The following TLK2 variants were observed in gnomAD, a reference collection of about 807,000 sequenced individuals.
TLK2 encodes the protein serine/threonine-protein kinase tousled-like 2.
In TLK2, 6 loss-of-function variants were observed where a neutral mutation model predicts 117.3. The observed-to-expected ratio is 0.05, with a 90% CI of 0.03 to 0.10. The LOEUF is 0.10. TLK2 is among the 10% of genes least tolerant of loss of function. The pLI is 1.00. For missense variants in TLK2, 299 were observed against 901.2 expected, an observed-to-expected ratio of 0.33 and a Z score of 8.56; for synonymous variants, 257 against 316.7, an observed-to-expected ratio of 0.81 and a Z score of 2.00.
chr17:62,509,708 C>T, intron 2 of TLK2, among the ~76,000 whole-genome samples: 1 of 152,170 alleles, frequency 6.6e-6, no homozygotes, highest in Non-Finnish European at 1.5e-5. Flanking sequence ...AGAGCTCCTC[C>T]TCTCATGAAT....
chr17:62,542,757 C>T (rs1271166754), intron 7 of TLK2, among the ~76,000 whole-genome samples: 2 of 152,128 alleles, frequency 1.3e-5, no homozygotes, highest in Admixed American at 6.6e-5. Context: ...CCCTTAATGG[C>T]AAGTCTGTTG....
At chr17:62,604,767 G>T (rs2083144479) in intron 19 of TLK2, among the ~76,000 whole-genome samples, 1 of 151,290 alleles carries the variant, frequency 6.6e-6, no homozygotes, top group African/African-American at 2.4e-5. Flanking sequence ...AAATTAGCTG[G>T]GCGTGGTGGT....
chr17:62,499,442 G>A (rs187447669), intron 2 of TLK2, among the ~76,000 whole-genome samples: 74 of 152,162 alleles, frequency 4.9e-4, no homozygotes, highest in African/African-American at 1.7e-3. Context: ...TGGGATTACA[G>A]GTGTTAGGCA....
intron 2 of TLK2, among the ~76,000 whole-genome samples, chr17:62,495,883 C>T (rs2073627672): frequency 6.6e-6 from 1 of 151,296 alleles, no homozygotes; most frequent in Non-Finnish European, 1.5e-5. Context: ...AGGCTTTGGT[C>T]TCGAACTCCT....
At chr17:62,504,648 T>A (rs973274288) in intron 2 of TLK2, among the ~76,000 whole-genome samples, 1 of 151,788 alleles carries the variant, frequency 6.6e-6, no homozygotes, top group African/African-American at 2.4e-5. Context: ...TACCAAAAAA[T>A]TAAATTAAAA....
chr17:62,477,550 C>G (rs766097172), upstream of TLK2: 9 of 152,208 alleles, frequency 5.9e-5, no homozygotes, highest in African/African-American at 2.2e-4. Flanking sequence ...GAAATAAGGG[C>G]AGAAACTCCA....
At chr17:62,498,528 T>A (rs557478182) in intron 2 of TLK2, among the ~76,000 whole-genome samples, 2 of 152,094 alleles carry the variant, frequency 1.3e-5, no homozygotes, top group Non-Finnish European at 2.9e-5. Flanking sequence ...TAGCTGGGAT[T>A]ACAGGTGTGC....
chr17:62,512,074 CGTT>C (rs768340688), intron 2 of TLK2, among the ~76,000 whole-genome samples: 18 of 152,218 alleles, frequency 1.2e-4, no homozygotes, highest in Middle Eastern at 3.4e-3. Context: ...CAGTGTTTAG[CGTT>C]GTTGCTATTT....
chr17:62,584,278 G>A (rs1047793698), intron 15 of TLK2, among the ~76,000 whole-genome samples: 1 of 151,550 alleles, frequency 6.6e-6, no homozygotes, highest in African/African-American at 2.4e-5. Flanking sequence ...CACCACACCC[G>A]GCTAATTTTT....
upstream of TLK2, among the ~76,000 whole-genome samples, chr17:62,476,143 C>G (rs1257707808): frequency 1.3e-5 from 2 of 151,810 alleles, no homozygotes; most frequent in Non-Finnish European, 2.9e-5. Flanking sequence ...CTATGCCGAG[C>G]TAATTTTTGT....
intron 16 of TLK2, among the ~76,000 whole-genome samples, chr17:62,595,275 CT>C (rs1468822561): frequency 2.7e-5 from 4 of 149,704 alleles, no homozygotes; most frequent in Non-Finnish European, 5.9e-5. Flanking sequence ...GCTGCCGTGC[CT>C]GGCCCCCTTT....
chr17:62,522,548 C>CA (rs1216196599), intron 4 of TLK2, among the ~76,000 whole-genome samples: 1 of 152,056 alleles, frequency 6.6e-6, no homozygotes, highest in Non-Finnish European at 1.5e-5. Flanking sequence ...ATATATTGTA[C>CA]AAAAAAGAGG....
At chr17:62,514,122 C>T (rs1348573565) in intron 2 of TLK2, among the ~76,000 whole-genome samples, 1 of 151,952 alleles carries the variant, frequency 6.6e-6, no homozygotes, top group Non-Finnish European at 1.5e-5. Context: ...ATTGTTATTA[C>T]TTTACAACAC....
At chr17:62,518,500 TC>T (rs2075793953) in intron 2 of TLK2, among the ~76,000 whole-genome samples, 1 of 151,978 alleles carries the variant, frequency 6.6e-6, no homozygotes, top group Non-Finnish European at 1.5e-5. Flanking sequence ...AGGCAGGAGT[TC>T]CAGACCAGCA....
chr17:62,596,773 C>G (rs2082509449), intron 17 of TLK2, 99 bp downstream of exon 17: 3 of 930,300 alleles, frequency 3.2e-6, no homozygotes, highest in Non-Finnish European at 4.9e-6. Flanking sequence ...GACATACCCT[C>G]TGAGGGAACC....
intron 20 of TLK2, among the ~76,000 whole-genome samples, chr17:62,607,508 G>A (rs780250217): frequency 1.1e-4 from 16 of 151,912 alleles, no homozygotes; most frequent in Non-Finnish European, 2.1e-4. Context: ...CAGTCTGGGC[G>A]ACAGAGCGAG....
chr17:62,592,650 G>A (rs1316360760), intron 16 of TLK2, among the ~76,000 whole-genome samples: 4 of 152,186 alleles, frequency 2.6e-5, no homozygotes. Context: ...ACCAGCGACC[G>A]GTTTTGTGGA....
chr17:62,553,036 G>A (rs2078593362), intron 8 of TLK2, among the ~76,000 whole-genome samples: 1 of 152,156 alleles, frequency 6.6e-6, no homozygotes, highest in African/African-American at 2.4e-5. Context: ...TATCTGCAAA[G>A]GATGGTGGCT....
chr17:62,486,960 G>A (rs538487324), intron 2 of TLK2, among the ~76,000 whole-genome samples: 3 of 152,276 alleles, frequency 2.0e-5, no homozygotes, highest in African/African-American at 7.2e-5. Context: ...CACTTGTGTT[G>A]TAATTATTCT....
Sources: allele counts gnomAD v4.1 joint callset (sites outside exome capture counted in the v4.1 genomes callset), GRCh38; gene constraint gnomAD v4.1.1; transcripts MANE v1.5; gene names NCBI Gene and HGNC (gene_info 2026-07-23, HGNC 2026-07-21).